The following SCGN variants were observed in gnomAD, a reference collection of about 807,000 sequenced individuals.
The protein encoded by SCGN is secretagogin, EF-hand calcium binding protein.
Under a neutral mutation model 39.7 loss-of-function variants are expected in SCGN, and 30 were observed. The ratio of observed to expected loss-of-function variants is 0.76; its 90% confidence interval spans 0.57 to 1.03. SCGN has a LOEUF of 1.03. Among genes scored for constraint, SCGN ranks in the 50% least tolerant of loss-of-function variants. The probability of loss-of-function intolerance (pLI) is 0.00; values close to 1 mark genes in which losing one functional copy is unlikely to be tolerated. For synonymous variants in SCGN, 106 were observed against 114.1 expected (o/e 0.93, Z 0.45); for missense variants, 353 against 349.4 (o/e 1.01, Z -0.08).
chr6:25,690,053 G>A (rs1008245445), intron 9 of SCGN, among the ~76,000 whole-genome samples: 1 of 152,186 alleles, frequency 6.6e-6, no homozygotes, highest in African/African-American at 2.4e-5. Context: ...CAGAAAAAAT[G>A]TTGGGAAAGG....
In SCGN at chr6:25,669,501, T is replaced by C. The variant is rs369698079; in HGVS notation, c.337-10T>C. The C allele has an allele frequency of 5.6e-6, 9 of 1,612,074 alleles. No individual in the cohort carries two copies. The Admixed American group carries it at 1.0e-4, about 18-fold the overall frequency. Reference sequence around the variant, plus strand: ...AGGATAAATTAATTAGTGACTTTTGTGTATTTCAGATTTGGCGCAAATATG... The same window carrying C: ...AGGATAAATTAATTAGTGACTTTTGCGTATTTCAGATTTGGCGCAAATATG... On this transcript the variant is annotated splice_polypyrimidine_tract_variant and intron_variant, in intron 4 of 10. Transcript: ENST00000377961.
intron 7 of SCGN, among the ~76,000 whole-genome samples, chr6:25,688,612 T>G (rs1195649113): frequency 1.3e-5 from 2 of 151,994 alleles, no homozygotes; most frequent in Admixed American, 6.5e-5. Context: ...CCATCCTGGC[T>G]AACACGGTGA....
rs569739811 is a variant in SCGN, at chr6:25,688,942, T to G, written c.528-230T>G. On this transcript the variant is annotated intron_variant, in intron 7 of 10. Transcript: ENST00000377961. ...GGAGCGAATTTCCAGAAGCCCATACTGTGCCATTTTCCACTAAGATGAACT... is the reference window on the plus strand; with the variant it reads ...GGAGCGAATTTCCAGAAGCCCATACGGTGCCATTTTCCACTAAGATGAACT... Among the ~76,000 whole-genome samples the G allele has an allele frequency of 3.9e-5, 6 of 152,328 alleles. No homozygotes were observed. The East Asian group carries it at 1.2e-3, about 29-fold the overall frequency.
chr6:25,699,717 G>A lies in SCGN; in HGVS notation c.703-1490G>A, dbSNP rs956242473. On this transcript the variant is annotated intron_variant, in intron 10 of 10. Coordinates refer to ENST00000377961, the MANE Select transcript of SCGN (RefSeq NM_006998.4). ...AAGTCAGTGCCCACCCATGTTGCCAGTTAGTTCTGTTTGTGCAAATAAAGG... is the reference window on the plus strand; with the variant it reads ...AAGTCAGTGCCCACCCATGTTGCCAATTAGTTCTGTTTGTGCAAATAAAGG... Among the ~76,000 whole-genome samples, 3 of 152,090 alleles carry A rather than the reference G, an allele frequency of 2.0e-5. No individual in the cohort carries two copies. The East Asian group carries it at 5.8e-4, about 29-fold the overall frequency.
At chr6:25,669,930 A>G in intron 5 of SCGN, 69 bp from the exon 6 acceptor site, 9 of 1,191,504 alleles carry the variant, frequency 7.6e-6, no homozygotes, top group Non-Finnish European at 1.1e-5. Context: ...TCTTGAAATA[A>G]GGCCTTTTAA....
In SCGN at chr6:25,670,036, C is replaced by T; in HGVS notation, c.431C>T (p.Ala144Val). The T allele has an allele frequency of 2.5e-6, 4 of 1,613,698 alleles. No individual in the cohort carries two copies. Among genetic ancestry groups the T allele is most frequent in the Non-Finnish European group, 3.4e-6 (4 of 1,179,754 alleles). The change falls in exon 6 of 11, where the codon GCC (alanine) becomes GTC (valine). Residue 144 changes from alanine to valine, a missense_variant. Ala to Val is a moderately conservative substitution (Grantham distance 64, BLOSUM62 0). Transcript: ENST00000377961. ...LRDLFLHHKKAISEAKLEEYT... is the reference protein window; with the variant it reads ...LRDLFLHHKKVISEAKLEEYT... Reference sequence around the variant, plus strand: ...GACCTCTTTCTTCACCACAAAAAGGCCATTTCTGAGGCTAAACTGGAAGAA... The same window carrying T: ...GACCTCTTTCTTCACCACAAAAAGGTCATTTCTGAGGCTAAACTGGAAGAA...
chr6:25,670,783 G>A (rs1489080588), intron 6 of SCGN, among the ~76,000 whole-genome samples: 1 of 152,194 alleles, frequency 6.6e-6, no homozygotes, highest in East Asian at 1.9e-4. Flanking sequence ...GAGTAGTAAA[G>A]TAGGGAGCTG....
intron 10 of SCGN, among the ~76,000 whole-genome samples, chr6:25,695,394 C>T (rs1007940555): frequency 2.6e-5 from 4 of 152,120 alleles, no homozygotes; most frequent in African/African-American, 7.2e-5. Context: ...CCCCCCTCCA[C>T]CTTTTTTTGT....
At chr6:25,657,653 T>A (rs916657041) in intron 2 of SCGN, among the ~76,000 whole-genome samples, 24 of 148,940 alleles carry the variant, frequency 1.6e-4, no homozygotes, top group Non-Finnish European at 3.3e-4. Flanking sequence ...TTTTAAGATT[T>A]TATATATATA....
chr6:25,658,605 T>C (rs929731014), intron 2 of SCGN, among the ~76,000 whole-genome samples: 1 of 152,200 alleles, frequency 6.6e-6, no homozygotes, highest in African/African-American at 2.4e-5. Flanking sequence ...GCTATACATA[T>C]AGATGCTATT....
intron 6 of SCGN, 46 bp downstream of exon 6, chr6:25,670,122 C>G: frequency 4.6e-6 from 6 of 1,307,900 alleles, no homozygotes; most frequent in Non-Finnish European, 6.7e-6. Context: ...CTCCCCCACT[C>G]CCTCCCCAGA....
At chr6:25,667,112 T>C (rs1760436945) in intron 4 of SCGN, among the ~76,000 whole-genome samples, 1 of 152,174 alleles carries the variant, frequency 6.6e-6, no homozygotes, top group Admixed American at 6.5e-5. Context: ...ACATTTTTTC[T>C]TTTTGTATTT....
intron 6 of SCGN, chr6:25,678,935 A>T (rs957324242): frequency 6.6e-5 from 10 of 152,606 alleles, no homozygotes; most frequent in Admixed American, 5.9e-4. Context: ...TGGCCAAGAT[A>T]TATTGAAAAC....
At chr6:25,671,517 G>C (rs1759497888) in intron 6 of SCGN, among the ~76,000 whole-genome samples, 1 of 152,210 alleles carries the variant, frequency 6.6e-6, no homozygotes, top group African/African-American at 2.4e-5. Flanking sequence ...ATGCCAAGGA[G>C]AGAATCAAAT....
chr6:25,694,564 G>A (rs1759815197), intron 10 of SCGN, among the ~76,000 whole-genome samples: 1 of 152,234 alleles, frequency 6.6e-6, no homozygotes, highest in Non-Finnish European at 1.5e-5. Context: ...TTGAGACAGA[G>A]CTAGTTCCTA....
rs757778969 is a variant in SCGN, at chr6:25,664,931, C to T, written c.247-12C>T. 3.1e-6 allele frequency: 5 copies of T among 1,608,520 alleles called. No homozygotes were observed. Among genetic ancestry groups the T allele is most frequent in the Non-Finnish European group, 4.3e-6 (5 of 1,175,348 alleles). ...CCAGTGTCCCTGACTGTTATTCTTTCTGTTCCTTCAGCTTGCTGGTATGTT... is the reference window on the plus strand; with the variant it reads ...CCAGTGTCCCTGACTGTTATTCTTTTTGTTCCTTCAGCTTGCTGGTATGTT... On this transcript the variant is annotated splice_polypyrimidine_tract_variant and intron_variant, in intron 3 of 10. Coordinates refer to ENST00000377961, the MANE Select transcript of SCGN (RefSeq NM_006998.4).
chr6:25,656,192 C>A (rs759345657), intron 2 of SCGN, among the ~76,000 whole-genome samples: 8 of 152,176 alleles, frequency 5.3e-5, no homozygotes, highest in African/African-American at 1.9e-4. Flanking sequence ...ATTGTGACAC[C>A]TGCTTTTGAT....
chr6:25,700,700 TCTAG>T (rs1759900530), intron 10 of SCGN, among the ~76,000 whole-genome samples: 1 of 152,224 alleles, frequency 6.6e-6, no homozygotes, highest in Admixed American at 6.5e-5. Flanking sequence ...GTGTCACGTT[TCTAG>T]CTAACATTCT....
Position 25,701,343 on chromosome 6 carries a change from C to T in SCGN, c.*8C>T. The T allele has an allele frequency of 6.2e-7, 1 of 1,608,994 alleles. No individual in the cohort carries two copies. The highest frequency in any genetic ancestry group is 8.5e-7 in the Non-Finnish European group (1 of 1,177,956). ...CTGAAAATCAACCCATAATCCCAGA[C>T]TGCTTTGCCTTTTGCTCTTACTATG... On this transcript the variant is annotated 3_prime_UTR_variant, in exon 11 of 11. Transcript: ENST00000377961.
Sources: gnomAD v4.1 joint callset for allele counts (sites outside exome capture counted in the v4.1 genomes callset) on GRCh38, gnomAD v4.1.1 for gene constraint, MANE v1.5 for transcripts, NCBI Gene and HGNC (gene_info 2026-07-23, HGNC 2026-07-21) for gene names.